Variants in SENP1 observed in about 807,000 individuals in gnomAD.
SENP1 encodes the protein SUMO specific peptidase 1.
Under a neutral mutation model 93.0 loss-of-function variants are expected in SENP1, and 21 were observed. That is an observed-to-expected ratio of 0.23 (90% confidence interval 0.16 to 0.33). The LOEUF (loss-of-function observed/expected upper bound fraction) is 0.33. SENP1 is among the 10% of genes least tolerant of loss of function. The pLI, the probability that SENP1 is intolerant of heterozygous loss-of-function variation, is 1.00. For missense variants in SENP1, 591 were observed against 758.7 expected (o/e 0.78, Z 2.60); for synonymous variants, 256 against 259.6 (o/e 0.99, Z 0.13).
At chr12:48,089,229 G>A (rs766749160) in intron 4 of SENP1, 14 of 1,451,294 alleles carry the variant, frequency 9.6e-6, no homozygotes, top group South Asian at 6.7e-5. Flanking sequence ...ATGTGACTCC[G>A]TGGTGTCCAC....
chr12:48,092,274 A>G (rs1257361246), intron 4 of SENP1, among the ~76,000 whole-genome samples: 1 of 152,168 alleles, frequency 6.6e-6, no homozygotes, highest in Non-Finnish European at 1.5e-5. Context: ...GTCTAGCCCA[A>G]TCAAGAGGTA....
chr12:48,095,934 G>A (rs574087240), intron 4 of SENP1, among the ~76,000 whole-genome samples: 202 of 152,304 alleles, frequency 1.3e-3, no homozygotes, highest in South Asian at 4.6e-3. Flanking sequence ...AGAAGGACAA[G>A]CTCAGGAAGA....
chr12:48,056,823 TA>T (rs1592315092), intron 13 of SENP1, among the ~76,000 whole-genome samples: 1 of 46,222 alleles, frequency 2.2e-5, no homozygotes, highest in South Asian at 7.2e-4. Flanking sequence ...CATATATAAA[TA>T]TATTTAACAT....
rs1941209745 is a variant in SENP1 at position 48,044,370 on chromosome 12, ATATATGTATGTG to A, written c.*940_*951del. 1 of 149,242 alleles carries A rather than the reference ATATATGTATGTG, an allele frequency of 6.7e-6. No individual in the cohort carries two copies. The highest frequency in any genetic ancestry group is 1.5e-5 in the Non-Finnish European group (1 of 67,434). The allele number at this position is 149,242 out of a possible 1,614,324, so 9.2% of individuals were successfully genotyped here. On this transcript the variant is annotated 3_prime_UTR_variant, in exon 18 of 18. Transcript: ENST00000549518. ...ATTTTATACATACATATATATATAT[ATATATGTATGTG>A]TATATATATATGTATATATATATGA...
intron 4 of SENP1, 48 bp downstream of exon 4, chr12:48,096,295 G>T: frequency 9.4e-7 from 1 of 1,060,576 alleles, no homozygotes; most frequent in South Asian, 1.4e-5. Flanking sequence ...ATGCTATCAA[G>T]AAATCCAAAA....
intron 13 of SENP1, among the ~76,000 whole-genome samples, chr12:48,053,523 G>A (rs1941981332): frequency 6.6e-6 from 1 of 151,082 alleles, no homozygotes; most frequent in Admixed American, 6.6e-5. Context: ...AAATGCAAGT[G>A]CTCTGGTTCC....
At chr12:48,084,472 T>C (rs1201967970) in intron 5 of SENP1, among the ~76,000 whole-genome samples, 1 of 123,276 alleles carries the variant, frequency 8.1e-6, no homozygotes, top group East Asian at 2.8e-4. Context: ...TTTTTTGAGA[T>C]GGAATCTTGC....
chr12:48,087,414 CATG>C (rs1285931353), intron 5 of SENP1, among the ~76,000 whole-genome samples: 2 of 152,042 alleles, frequency 1.3e-5, no homozygotes, highest in Non-Finnish European at 2.9e-5. Context: ...AAAATAACAG[CATG>C]GCTTTATTGC....
intron 9 of SENP1, 104 bp from the exon 10 acceptor site, chr12:48,067,069 G>C: frequency 2.7e-6 from 2 of 741,400 alleles, no homozygotes; most frequent in South Asian, 3.3e-5. Flanking sequence ...TTATATGAGT[G>C]CTTTACAAGT....
chr12:48,071,535 G>T, intron 9 of SENP1, 132 bp downstream of exon 9: 1 of 571,412 alleles, frequency 1.8e-6, no homozygotes, highest in South Asian at 2.4e-5. Flanking sequence ...AGAATTGCTT[G>T]AACCAGGGAG....
Position 48,088,825 on chromosome 12 carries a change from T to C in SENP1, c.356A>G (p.Tyr119Cys), listed in dbSNP as rs2137197863. The change falls in exon 5 of 18, where the codon TAC (tyrosine) becomes TGC (cysteine). Residue 119 changes from tyrosine to cysteine, a missense_variant. Coordinates refer to ENST00000549518, the MANE Select transcript of SENP1 (RefSeq NM_001267594.2). ...LQKSRNSRSL[Y>C]LETRKTSSGL... Reference sequence around the variant, plus strand: ...CCTTGAGGTCTTTCGGGTTTCGAGGTAAAGACTTCGGCTGTTTCTTGATTT... The same window carrying C: ...CCTTGAGGTCTTTCGGGTTTCGAGGCAAAGACTTCGGCTGTTTCTTGATTT... 1 of 1,609,922 alleles carries C rather than the reference T, an allele frequency of 6.2e-7. No individual in the cohort carries two copies. The highest frequency in any genetic ancestry group is 8.5e-7 in the Non-Finnish European group (1 of 1,178,008).
intron 4 of SENP1, among the ~76,000 whole-genome samples, chr12:48,093,543 CAA>C (rs1207729189): frequency 1.3e-5 from 2 of 151,846 alleles, no homozygotes. Context: ...CTTGGCCTCC[CAA>C]AGTGTTGAGA....
chr12:48,096,482 TCTCA>T, intron 3 of SENP1, 55 bp from the exon 4 acceptor site: 2 of 1,112,324 alleles, frequency 1.8e-6, no homozygotes, highest in South Asian at 2.7e-5. Flanking sequence ...TTTGAGACAG[TCTCA>T]CTCTTGTTGC....
rs753714577 is a variant in SENP1 at position 48,047,009 on chromosome 12, T to C, written c.1745A>G (p.Asn582Ser). The C allele has an allele frequency of 1.2e-6, 2 of 1,612,894 alleles. No homozygotes were observed. ...IDKKRKEFDTNGWQLFSKKSQ... is the reference protein window; with the variant it reads ...IDKKRKEFDTSGWQLFSKKSQ... ...TTTCTTGCTGAAAAGCTGCCAGCCATTGGTGTCAAACTCTTTCCTTTTCTT... is the reference window on the plus strand; with the variant it reads ...TTTCTTGCTGAAAAGCTGCCAGCCACTGGTGTCAAACTCTTTCCTTTTCTT... The change falls in exon 16 of 18, where the codon AAT (asparagine) becomes AGT (serine). Residue 582 changes from asparagine (N) to serine (S), a missense_variant. By Grantham distance (46) the Asn-to-Ser change is conservative. Around this residue, in one of 4 missense-constraint regions of SENP1, gnomAD observed 132 missense variants for 230.1 expected, o/e 0.57. Transcript: ENST00000549518.
rs77688291 is a variant in SENP1 at position 48,083,044 on chromosome 12, A to G, written c.552+547T>C. ...CTCAGCCTCGCCAGTAGCTAGGAGT[A>G]CAGATATGAGCCACCAAGCCCGTCT... On this transcript the variant is annotated intron_variant, in intron 6 of 17. Coordinates refer to ENST00000549518, the MANE Select transcript of SENP1 (RefSeq NM_001267594.2). Among the ~76,000 whole-genome samples the G allele has an allele frequency of 1.7e-4, 26 of 152,228 alleles. No individual in the cohort carries two copies. The East Asian group carries it at 4.6e-3, about 27-fold the overall frequency.
intron 13 of SENP1, among the ~76,000 whole-genome samples, chr12:48,050,244 CCT>C (rs1198589125): frequency 5.9e-5 from 9 of 152,166 alleles, no homozygotes; most frequent in Non-Finnish European, 8.8e-5. Context: ...GGAAAATGCC[CCT>C]GTTCTTTGAC....
At chr12:48,077,144 T>C (rs1944150341) in intron 6 of SENP1, among the ~76,000 whole-genome samples, 1 of 152,250 alleles carries the variant, frequency 6.6e-6, no homozygotes, top group African/African-American at 2.4e-5. Context: ...TTTTGTTTTC[T>C]TGGTATTGAG....
At chr12:48,083,473 A>G (rs1801171774) in intron 6 of SENP1, 118 bp downstream of exon 6, 1 of 800,654 alleles carries the variant, frequency 1.2e-6, no homozygotes, top group Non-Finnish European at 2.0e-6. Flanking sequence ...AGACAGAAAA[A>G]GCACAGGAAG....
chr12:48,078,074 T>C (rs1190850077), intron 6 of SENP1, among the ~76,000 whole-genome samples: 2 of 151,996 alleles, frequency 1.3e-5, no homozygotes, highest in Non-Finnish European at 2.9e-5. Flanking sequence ...TAGCTTTCCA[T>C]TTAATTGTAT....
Sources: allele counts gnomAD v4.1 joint callset (sites outside exome capture counted in the v4.1 genomes callset), GRCh38; gene constraint gnomAD v4.1.1; regional missense constraint gnomAD v4.1.1; transcripts MANE v1.5; gene names NCBI Gene and HGNC (gene_info 2026-07-23, HGNC 2026-07-21).